PTPRA: variants seen among roughly 807,000 people sequenced by gnomAD.
The protein encoded by PTPRA is protein tyrosine phosphatase receptor type A.
In PTPRA, 25 loss-of-function variants were observed where a neutral mutation model predicts 104.8. The ratio of observed to expected loss-of-function variants is 0.24; its 90% CI spans 0.17 to 0.33. The LOEUF is 0.33. PTPRA is among the 10% of genes least tolerant of loss of function. The pLI is 1.00. For synonymous variants in PTPRA, 323 were observed against 368.9 expected (o/e 0.88, Z 1.43); for missense variants, 765 against 1,015.3 (o/e 0.75, Z 3.35).
chr20:2,906,682 T>G lies in PTPRA; in HGVS notation c.-128-16525T>G, dbSNP rs560734097. Among the ~76,000 whole-genome samples, 11 of 152,300 alleles carry G rather than the reference T, an allele frequency of 7.2e-5. No individual in the cohort carries two copies. The East Asian group carries it at 2.1e-3, about 29-fold the overall frequency. On this transcript the variant is annotated intron_variant, in intron 1 of 23. Coordinates refer to ENST00000399903, the MANE Select transcript of PTPRA (RefSeq NM_001385305.1). ...TCAATAAATAATCATCAAAATTGAT[T>G]GCAAGTATTTATCTATTAATGCAGG...
chr20:3,020,433 C>A (rs1274915567), intron 13 of PTPRA, among the ~76,000 whole-genome samples: 1 of 152,188 alleles, frequency 6.6e-6, no homozygotes, highest in Non-Finnish European at 1.5e-5. Flanking sequence ...TTCTCTAGTT[C>A]CTTATTTCCC....
intron 1 of PTPRA, among the ~76,000 whole-genome samples, chr20:2,891,584 A>G (rs1055230041): frequency 6.6e-6 from 1 of 150,832 alleles, no homozygotes; most frequent in African/African-American, 2.4e-5. Context: ...TTCTGTGCTT[A>G]TATCTGTCAA....
intron 1 of PTPRA, among the ~76,000 whole-genome samples, chr20:2,910,597 T>G (rs1234631315): frequency 1.6e-5 from 2 of 127,584 alleles, no homozygotes; most frequent in African/African-American, 6.3e-5. Context: ...TTGTTTTTTT[T>G]TTGTTTTTTT....
chr20:2,874,527 C>T (rs2089588609), intron 1 of PTPRA, among the ~76,000 whole-genome samples: 1 of 152,098 alleles, frequency 6.6e-6, no homozygotes, highest in Non-Finnish European at 1.5e-5. Context: ...CCATCAGAAG[C>T]CTTTGCTCAG....
chr20:3,003,700 ATT>A (rs59358849), intron 9 of PTPRA, among the ~76,000 whole-genome samples: 17,858 of 105,404 alleles, frequency 0.17, 3,676 homozygotes, highest in African/African-American at 0.52. Flanking sequence ...ATACCTGGCT[ATT>A]TTTTTTTTTT....
intron 1 of PTPRA, among the ~76,000 whole-genome samples, chr20:2,893,868 GAT>G (rs375078464): frequency 2.0e-5 from 3 of 150,808 alleles, no homozygotes; most frequent in Non-Finnish European, 1.5e-5. Flanking sequence ...CAAAGATTTT[GAT>G]ATATATATAT....
chr20:2,947,837 G>A (rs2061194661), intron 2 of PTPRA, 145 bp from the exon 3 acceptor site: 1 of 383,690 alleles, frequency 2.6e-6, no homozygotes, highest in Non-Finnish European at 4.8e-6. Context: ...GTGAAATTAT[G>A]AGGCCAAAGT....
At chr20:2,963,231 A>G (rs985189249) in intron 3 of PTPRA, among the ~76,000 whole-genome samples, 2 of 152,232 alleles carry the variant, frequency 1.3e-5, no homozygotes, top group Non-Finnish European at 2.9e-5. Context: ...CCTAGCAATC[A>G]ACTTGGGAGC....
intron 3 of PTPRA, among the ~76,000 whole-genome samples, chr20:2,958,839 T>G: frequency 8.1e-6 from 1 of 123,340 alleles, no homozygotes; most frequent in Admixed American, 8.6e-5. Flanking sequence ...AGAGCGAGAC[T>G]GTATCAAAAA....
At chr20:2,968,299 T>C (rs1193037802) in intron 5 of PTPRA, among the ~76,000 whole-genome samples, 1 of 152,258 alleles carries the variant, frequency 6.6e-6, no homozygotes, top group Non-Finnish European at 1.5e-5. Flanking sequence ...AGGATTTTAC[T>C]GCTATCTTAA....
chr20:3,013,876 C>T (rs1411755974), intron 11 of PTPRA, among the ~76,000 whole-genome samples: 1 of 152,180 alleles, frequency 6.6e-6, no homozygotes, highest in Non-Finnish European at 1.5e-5. Flanking sequence ...GGCTTTGCTT[C>T]ATTCTCATTA....
At chr20:2,985,341 G>A (rs74723470) in intron 6 of PTPRA, among the ~76,000 whole-genome samples, 8 of 152,332 alleles carry the variant, frequency 5.3e-5, no homozygotes, top group African/African-American at 1.4e-4. Context: ...AGAGAGACGC[G>A]AGGCTGGTGG....
intron 13 of PTPRA, among the ~76,000 whole-genome samples, chr20:3,020,645 G>A (rs933915506): frequency 6.6e-6 from 1 of 152,244 alleles, no homozygotes; most frequent in Non-Finnish European, 1.5e-5. Flanking sequence ...CACAGCCAGA[G>A]CCAATTCTGG....
chr20:2,931,112 A>C (rs770480765), intron 2 of PTPRA, among the ~76,000 whole-genome samples: 1 of 152,054 alleles, frequency 6.6e-6, no homozygotes, highest in Non-Finnish European at 1.5e-5. Context: ...TGGGGCTCCC[A>C]CTCAAGATAT....
At chr20:2,951,516 C>T (rs567170551) in intron 3 of PTPRA, among the ~76,000 whole-genome samples, 4 of 152,190 alleles carry the variant, frequency 2.6e-5, no homozygotes, top group Non-Finnish European at 5.9e-5. Context: ...CACCTCTCTG[C>T]TACAATCCAC....
At chr20:2,984,175 C>T (rs914933100) in intron 6 of PTPRA, among the ~76,000 whole-genome samples, 3 of 152,082 alleles carry the variant, frequency 2.0e-5, no homozygotes, top group East Asian at 1.9e-4. Flanking sequence ...AACAAAGAAG[C>T]GTCATGTAAT....
intron 1 of PTPRA, among the ~76,000 whole-genome samples, chr20:2,909,775 AAGATAATATAATATATATT>A (rs1456366577): frequency 3.6e-5 from 5 of 138,030 alleles, no homozygotes; most frequent in East Asian, 2.0e-4. Flanking sequence ...TATATATTAT[AAGATAATATAATATATATT>A]AGATAATATA....
At chr20:2,982,890 G>A (rs1350093260) in intron 6 of PTPRA, among the ~76,000 whole-genome samples, 1 of 151,882 alleles carries the variant, frequency 6.6e-6, no homozygotes, top group African/African-American at 2.4e-5. Flanking sequence ...AGTAGAGATG[G>A]GGTTTCACCA....
chr20:2,945,582 GGTGTGTGT>G (rs3842441), intron 2 of PTPRA, among the ~76,000 whole-genome samples: 89,482 of 148,094 alleles, frequency 0.6, 28,216 homozygotes, highest in African/African-American at 0.8. Flanking sequence ...ATAATTGGCA[GGTGTGTGT>G]GTGTGTGTGT....
Sources: allele counts gnomAD v4.1 joint callset (sites outside exome capture counted in the v4.1 genomes callset), GRCh38; gene constraint gnomAD v4.1.1; transcripts MANE v1.5; gene names NCBI Gene and HGNC (gene_info 2026-07-23, HGNC 2026-07-21).